The following MYO1B variants were observed in gnomAD, a reference collection of about 807,000 sequenced individuals.
MYO1B encodes unconventional myosin-Ib.
A neutral mutation model predicts 159.7 loss-of-function variants in MYO1B; 72 were observed. The ratio of observed to expected loss-of-function variants is 0.45; its 90% CI spans 0.37 to 0.55. The LOEUF (loss-of-function observed/expected upper bound fraction) is 0.55. Ranked by LOEUF, MYO1B falls within the 20% of genes least tolerant of loss-of-function variation. MYO1B has a pLI of 0.00. For synonymous variants in MYO1B, 468 were observed against 473.8 expected (o/e 0.99, Z 0.16); for missense variants, 1,062 against 1,364.8 (o/e 0.78, Z 3.50).
intron 27 of MYO1B, among the ~76,000 whole-genome samples, chr2:191,411,990 G>C (rs191303586): frequency 6.6e-6 from 1 of 152,168 alleles, no homozygotes; most frequent in Admixed American, 6.5e-5. Context: ...CATTTATTAC[G>C]TAAATTATGT....
chr2:191,265,968 G>A (rs1449226995), intron 1 of MYO1B, among the ~76,000 whole-genome samples: 1 of 152,084 alleles, frequency 6.6e-6, no homozygotes, highest in Non-Finnish European at 1.5e-5. Context: ...TCCATGTTGA[G>A]GGGGTGGAGA....
chr2:191,324,778 A>G (rs541697736), intron 3 of MYO1B, among the ~76,000 whole-genome samples: 14 of 152,296 alleles, frequency 9.2e-5, no homozygotes, highest in African/African-American at 2.6e-4. Flanking sequence ...CTTCCAGGAT[A>G]AAGGTACAAA....
intron 1 of MYO1B, chr2:191,263,463 C>T (rs1445636385): frequency 3.2e-6 from 1 of 313,124 alleles, no homozygotes; most frequent in African/African-American, 2.3e-5. Flanking sequence ...TTTTTCTACC[C>T]ACCTATTGAG....
At chr2:191,362,740 A>G (rs994760176) in intron 9 of MYO1B, among the ~76,000 whole-genome samples, 5 of 152,350 alleles carry the variant, frequency 3.3e-5, no homozygotes, top group African/African-American at 7.2e-5. Flanking sequence ...ACAGAAAAAA[A>G]TCTTTTTATA....
intron 3 of MYO1B, among the ~76,000 whole-genome samples, chr2:191,310,078 T>G (rs959214286): frequency 1.3e-5 from 2 of 152,184 alleles, no homozygotes; most frequent in Non-Finnish European, 1.5e-5. Flanking sequence ...ATTCTAGTTG[T>G]GGGTTGGGGG....
Position 191,424,092 on chromosome 2 carries a change from T to C in MYO1B, c.*132T>C. The C allele has an allele frequency of 9.7e-7, 1 of 1,034,920 alleles. No individual in the cohort carries two copies. The highest frequency in any genetic ancestry group is 1.4e-6 in the Non-Finnish European group (1 of 706,082). The allele number at this position is 1,034,920 out of a possible 1,614,324, so 64.1% of individuals were successfully genotyped here. A position where few individuals can be genotyped will look rare whatever the true frequency, so the allele number is the denominator to read the frequency against. ...AGAGTTCTTTGGCAAAATAAAAATA[T>C]TTGACTAATCAATTTTTATTATTGG... On this transcript the variant is annotated 3_prime_UTR_variant, in exon 31 of 31. Coordinates refer to ENST00000392318, the MANE Select transcript of MYO1B (RefSeq NM_001130158.3).
At chr2:191,417,811 G>A (rs1697668181) in intron 30 of MYO1B, among the ~76,000 whole-genome samples, 1 of 152,156 alleles carries the variant, frequency 6.6e-6, no homozygotes, top group Non-Finnish European at 1.5e-5. Flanking sequence ...TTCTCCTGAG[G>A]AGCTTTGCGG....
chr2:191,408,065 C>T, intron 24 of MYO1B, 50 bp from the exon 25 acceptor site: 1 of 1,262,930 alleles, frequency 7.9e-7, no homozygotes, highest in Non-Finnish European at 1.2e-6. Context: ...TCATTATGGA[C>T]CTGTACCAGC....
In MYO1B at chr2:191,396,487, G is replaced by T; in HGVS notation, c.2285G>T (p.Arg762Leu). The T allele has an allele frequency of 6.2e-7, 1 of 1,614,020 alleles. No homozygotes were observed. Among genetic ancestry groups the T allele is most frequent in the Non-Finnish European group, 8.5e-7 (1 of 1,179,954 alleles). ...GCCTTAGTAATTCAGTCTTATATCC[G>T]GGGTTGGAAGGTGAGTTTAAAAGAA... ...SSALVIQSYI[R>L]GWKARKILRE... Residue 762 changes from arginine to leucine, a missense_variant, in exon 21 of 31, where the codon CGG (arginine) becomes CTG (leucine). Arg to Leu is a moderately radical substitution (Grantham distance 102). Coordinates refer to ENST00000392318, the MANE Select transcript of MYO1B (RefSeq NM_001130158.3).
Position 191,369,555 on chromosome 2 carries a change from G to A in MYO1B, c.1046G>A (p.Arg349His), listed in dbSNP as rs1310398313. The A allele has an allele frequency of 5.0e-6, 8 of 1,612,978 alleles. No individual in the cohort carries two copies. The highest frequency in any genetic ancestry group is 1.7e-5 in the Admixed American group (1 of 59,966). Reference protein sequence around the residue: ...TLNVAQAYYARDALAKNLYSR... With the variant: ...TLNVAQAYYAHDALAKNLYSR... Reference sequence around the variant, plus strand: ...GTTTTTTAATAGGCTTATTATGCCCGTGATGCTCTGGCTAAAAACCTCTAC... The same window carrying A: ...GTTTTTTAATAGGCTTATTATGCCCATGATGCTCTGGCTAAAAACCTCTAC... The change falls in exon 12 of 31, where the codon CGT becomes CAT. Residue 349 changes from arginine to histidine, a missense_variant. Around this residue, in one of 5 missense-constraint regions of MYO1B, gnomAD observed 415 missense variants for 544.0 expected, o/e 0.76. Coordinates refer to ENST00000392318, the MANE Select transcript of MYO1B (RefSeq NM_001130158.3).
chr2:191,306,921 C>T (rs1008237592), intron 3 of MYO1B, among the ~76,000 whole-genome samples: 1 of 152,174 alleles, frequency 6.6e-6, no homozygotes, highest in Non-Finnish European at 1.5e-5. Context: ...CCAGCACCAA[C>T]CAGTTATCTG....
chr2:191,262,081 C>T (rs995623427), intron 1 of MYO1B, among the ~76,000 whole-genome samples: 11 of 152,144 alleles, frequency 7.2e-5, no homozygotes, highest in Non-Finnish European at 1.6e-4. Flanking sequence ...TTATGATAGA[C>T]TCATCTGTGA....
chr2:191,402,839 C>A, intron 24 of MYO1B, 121 bp downstream of exon 24: 1 of 698,616 alleles, frequency 1.4e-6, no homozygotes, highest in Non-Finnish European at 2.2e-6. Flanking sequence ...AGAATGTCAT[C>A]TTGCTTAATT....
At chr2:191,292,018 T>A (rs1416349798) in intron 2 of MYO1B, among the ~76,000 whole-genome samples, 1 of 152,164 alleles carries the variant, frequency 6.6e-6, no homozygotes, top group Non-Finnish European at 1.5e-5. Context: ...TATTTAAACC[T>A]TTGGCTAATG....
intron 11 of MYO1B, among the ~76,000 whole-genome samples, chr2:191,367,971 G>A (rs575520320): frequency 1.3e-5 from 2 of 152,274 alleles, no homozygotes; most frequent in Non-Finnish European, 2.9e-5. Context: ...CTCTGTTTTA[G>A]CATTTGACAT....
At chr2:191,268,088 C>G (rs1488955079) in intron 1 of MYO1B, among the ~76,000 whole-genome samples, 1 of 152,184 alleles carries the variant, frequency 6.6e-6, no homozygotes, top group African/African-American at 2.4e-5. Context: ...CAAACAAACT[C>G]ACAATTGTGA....
intron 3 of MYO1B, among the ~76,000 whole-genome samples, chr2:191,297,842 G>T (rs1411305424): frequency 6.6e-6 from 1 of 152,134 alleles, no homozygotes; most frequent in Admixed American, 6.5e-5. Flanking sequence ...TGAAACTGGG[G>T]GTAGGAGGGT....
intron 20 of MYO1B, among the ~76,000 whole-genome samples, chr2:191,394,184 A>C (rs1695929569): frequency 6.6e-6 from 1 of 152,224 alleles, no homozygotes; most frequent in Admixed American, 6.5e-5. Flanking sequence ...TAAGTCTTAA[A>C]ATATGAGTCT....
At chr2:191,379,690 TA>T (rs925778733) in intron 13 of MYO1B, among the ~76,000 whole-genome samples, 3 of 151,378 alleles carry the variant, frequency 2.0e-5, no homozygotes, top group East Asian at 1.9e-4. Context: ...GACTGTTGTC[TA>T]AAAAAAAAGT....
Sources: gnomAD v4.1 joint callset for allele counts (sites outside exome capture counted in the v4.1 genomes callset) on GRCh38, gnomAD v4.1.1 for gene constraint, gnomAD v4.1.1 regional missense constraint, MANE v1.5 for transcripts, NCBI Gene and HGNC (gene_info 2026-07-23, HGNC 2026-07-21) for gene names.